RABEP2: variants seen among roughly 807,000 people sequenced by gnomAD.
RABEP2 encodes the protein rab GTPase-binding effector protein 2.
In RABEP2, 57 loss-of-function variants were observed where a neutral mutation model predicts 74.1. That is an observed-to-expected ratio of 0.77 (90% CI 0.62 to 0.96). The LOEUF (loss-of-function observed/expected upper bound fraction) is 0.96, where lower values mean the gene tolerates loss of function less well. Ranked by LOEUF, RABEP2 falls within the 40% of genes least tolerant of loss-of-function variation. RABEP2 has a pLI of 0.00. For synonymous variants in RABEP2, 351 were observed against 344.0 expected (o/e 1.02, Z -0.23); for missense variants, 692 against 756.3 (o/e 0.91, Z 1.00).
intron 2 of RABEP2, 77 bp downstream of exon 2, chr16:28,924,326 G>C (rs1964505646): frequency 6.4e-5 from 90 of 1,408,326 alleles, no homozygotes; most frequent in Non-Finnish European, 8.7e-5. Flanking sequence ...TAGCTTATCT[G>C]TGCCCCCAAT....
Position 28,906,181 on chromosome 16 carries a change from G to A in RABEP2, c.1261C>T (p.Leu421=). 6.3e-7 allele frequency: 1 copy of A among 1,588,284 alleles called. No homozygotes were observed. Among genetic ancestry groups the A allele is most frequent in the Non-Finnish European group, 8.5e-7 (1 of 1,173,716 alleles). The change falls in exon 9 of 13, where the codon CTG becomes TTG. Residue 421 remains leucine (L), a synonymous_variant. Transcript: ENST00000358201. The part of the protein sequence containing the change: ...PSSVPELQQL[L]CCTRQEARAR... ...CTCGCCTCTTGCCGCGTGCAGCACAGCAGCTGCTGCAGCTCCTGGAAGGGA... is the reference window on the plus strand; with the variant it reads ...CTCGCCTCTTGCCGCGTGCAGCACAACAGCTGCTGCAGCTCCTGGAAGGGA...
intron 5 of RABEP2, among the ~76,000 whole-genome samples, chr16:28,913,396 T>C (rs1325401575): frequency 2.6e-5 from 4 of 152,232 alleles, no homozygotes; most frequent in African/African-American, 4.8e-5. Flanking sequence ...TGTGCATTTT[T>C]TTTTAAAGCA....
chr16:28,915,589 G>A (rs1385385282), intron 3 of RABEP2, among the ~76,000 whole-genome samples: 6 of 151,970 alleles, frequency 3.9e-5, no homozygotes, highest in East Asian at 1.9e-4. Flanking sequence ...CTGTTGCCCC[G>A]ACTAGAGTGG....
At position 28,905,893 on chromosome 16, in the gene RABEP2, G is replaced by C. The variant is rs543622997; in HGVS notation, c.1424-15C>G. The C allele has an allele frequency of 6.2e-7, 1 of 1,613,666 alleles. No homozygotes were observed. The highest frequency in any genetic ancestry group is 1.3e-5 in the African/African-American group (1 of 75,074). On this transcript the variant is annotated splice_polypyrimidine_tract_variant and intron_variant, in intron 9 of 12. Transcript: ENST00000358201. ...CTCCAGCACCTCTGTGGGAAGGAAAGAAAGAGAGGTCAAGGCCAGCCTCTC... is the reference window on the plus strand; with the variant it reads ...CTCCAGCACCTCTGTGGGAAGGAAACAAAGAGAGGTCAAGGCCAGCCTCTC...
Position 28,924,697 on chromosome 16 carries a change from C to T in RABEP2, c.62-82G>A, listed in dbSNP as rs1330320531. The T allele has an allele frequency of 3.9e-6, 5 of 1,282,608 alleles. No homozygotes were observed. In the African/African-American group the frequency reaches 5.8e-5, roughly 15 times the overall value. 79.5% of individuals were successfully genotyped at this position (1,282,608 alleles called of 1,614,324 possible). On this transcript the variant is annotated intron_variant, in intron 1 of 12. Coordinates refer to ENST00000358201, the MANE Select transcript of RABEP2 (RefSeq NM_024816.3). ...GCTTAGCAAGTCCTGCAACCTAGTA[C>T]TGTTGCCTTCATCTGGGGCCTCCTT...
chr16:28,915,743 C>T (rs1964383860), intron 3 of RABEP2, among the ~76,000 whole-genome samples: 1 of 151,484 alleles, frequency 6.6e-6, no homozygotes, highest in African/African-American at 2.4e-5. Flanking sequence ...CAGGGTTTCA[C>T]TATTTTGGCC....
intron 1 of RABEP2, 182 bp downstream of exon 1, chr16:28,924,921 A>T: frequency 1.2e-6 from 1 of 832,006 alleles, no homozygotes; most frequent in Non-Finnish European, 2.0e-6. Flanking sequence ...CACTGGCCCT[A>T]CCCCTTCAAT....
At chr16:28,914,178 G>A in intron 5 of RABEP2, 58 bp downstream of exon 5, 1 of 1,405,526 alleles carries the variant, frequency 7.1e-7, no homozygotes, top group Non-Finnish European at 9.6e-7. Context: ...GTGGTGCGGG[G>A]GAAGCATCCA....
intron 3 of RABEP2, chr16:28,917,726 T>G (rs1385413093): frequency 1.3e-5 from 2 of 152,350 alleles, no homozygotes. Flanking sequence ...CCAGCCCTGA[T>G]GCTCCCTTCA....
At chr16:28,914,142 G>T in intron 5 of RABEP2, 94 bp downstream of exon 5, 1 of 1,056,796 alleles carries the variant, frequency 9.5e-7, no homozygotes, top group South Asian at 1.7e-5. Flanking sequence ...TGGAAGCTCC[G>T]GCTCTAGTTC....
chr16:28,913,936 CTTT>C (rs78683101), intron 5 of RABEP2, among the ~76,000 whole-genome samples: 3 of 136,648 alleles, frequency 2.2e-5, no homozygotes, highest in Non-Finnish European at 1.6e-5. Flanking sequence ...GTATACTTGG[CTTT>C]TTTTTTTTTT....
At position 28,923,782 on chromosome 16, in the gene RABEP2, C is replaced by G. The variant is rs150741787; in HGVS notation, c.274+621G>C. Among the ~76,000 whole-genome samples the G allele has an allele frequency of 3.0e-3, 461 of 152,252 alleles. 6 individuals are homozygous for G. Among genetic ancestry groups the G allele is most frequent in the African/African-American group, 0.011 (443 of 41,542 alleles). On this transcript the variant is annotated intron_variant, in intron 2 of 12. Coordinates refer to ENST00000358201, the MANE Select transcript of RABEP2 (RefSeq NM_024816.3). The stretch of plus-strand genomic sequence containing the variant: ...CTGTGAGAAGGTTGGGACAAAAGTC[C>G]AGGAGAGAGTTGACGAGAGCCCCAC...
In RABEP2 at chr16:28,908,711, A is replaced by T. The variant is rs780541074; in HGVS notation, c.1143T>A (p.Asn381Lys). 5.0e-6 allele frequency: 8 copies of T among 1,614,196 alleles called. No homozygotes were observed. The South Asian group carries it at 8.8e-5, about 18-fold the overall frequency. The part of the protein sequence containing the change: ...KCLHHEVKRL[N>K]EENQGLRAEQ... ...CGGCCCGGAGCCCTTGGTTTTCCTCATTCAACCGCTTTACCTCATGGTGCA... is the reference window on the plus strand; with the variant it reads ...CGGCCCGGAGCCCTTGGTTTTCCTCTTTCAACCGCTTTACCTCATGGTGCA... Residue 381 changes from asparagine (N) to lysine (K), a missense_variant, in exon 8 of 13, where the codon AAT becomes AAA. Physicochemically the swap from Asn to Lys is moderately conservative, Grantham distance 94. Transcript: ENST00000358201.
At position 28,911,104 on chromosome 16, in the gene RABEP2, T is replaced by C. The variant is rs1372979101; in HGVS notation, c.970A>G (p.Asn324Asp). ...CCCACCTGCTTGGCACAGTCCTCAT[T>C]GCTCCGTCTCAGGCCCTCTTGGAGC... ...DELQEGLRRS[N>D]EDCAKQMQVL... Residue 324 changes from asparagine to aspartate, a missense_variant, in exon 6 of 13, where the codon AAT becomes GAT. Physicochemically the swap from Asn to Asp is conservative, Grantham distance 23. Transcript: ENST00000358201. The C allele has an allele frequency of 6.2e-7, 1 of 1,613,302 alleles. No homozygotes were observed. The highest frequency in any genetic ancestry group is 8.5e-7 in the Non-Finnish European group (1 of 1,179,994).
In RABEP2 at chr16:28,914,657, T is replaced by G. The variant is rs3924376; in HGVS notation, c.543+15A>C. 6.2e-7 allele frequency: 1 copy of G among 1,613,506 alleles called. No individual in the cohort carries two copies. Among genetic ancestry groups the G allele is most frequent in the South Asian group, 1.1e-5 (1 of 91,048 alleles). On this transcript the variant is annotated intron_variant, in intron 4 of 12. Coordinates refer to ENST00000358201, the MANE Select transcript of RABEP2 (RefSeq NM_024816.3). ...GCACCCCTCCTTCCCCAGCGCCCCC[T>G]GGCCGTGCCCTCACCTGGATCTCCT...
Position 28,914,579 on chromosome 16 carries a change from G to A in RABEP2, c.551C>T (p.Pro184Leu), listed in dbSNP as rs1964361563. ...EELIQEIQRR[P>L]RHAPSLHGST... ...GCCGTGCAGGGAAGGGGCATGCCGG[G>A]GACGTCTCTAGGGAAGGGGGCAGGG... Residue 184 changes from proline to leucine, a missense_variant, in exon 5 of 13, where the codon CCC becomes CTC. Transcript: ENST00000358201. 1.9e-6 allele frequency: 3 copies of A among 1,609,048 alleles called. No individual in the cohort carries two copies. The highest frequency in any genetic ancestry group is 2.5e-6 in the Non-Finnish European group (3 of 1,177,224).
At chr16:28,919,629 A>T in intron 3 of RABEP2, 157 bp downstream of exon 3, 1 of 795,444 alleles carries the variant, frequency 1.3e-6, no homozygotes, top group Non-Finnish European at 1.9e-6. Context: ...GACCCTACGG[A>T]GCACAGAGCC....
chr16:28,907,832 A>C (rs1258649127), intron 8 of RABEP2, among the ~76,000 whole-genome samples: 1 of 150,706 alleles, frequency 6.6e-6, no homozygotes, highest in African/African-American at 2.4e-5. Context: ...ACAGAGTTTC[A>C]CTCGTTACCC....
chr16:28,918,061 GTTTTTTTTT>G (rs398029150), intron 3 of RABEP2: 1 of 93,220 alleles, frequency 1.1e-5, no homozygotes, highest in Non-Finnish European at 2.1e-5. Flanking sequence ...TCCTATAATT[GTTTTTTTTT>G]TTTTTTTTTT....
Sources: allele counts gnomAD v4.1 joint callset (sites outside exome capture counted in the v4.1 genomes callset), GRCh38; gene constraint gnomAD v4.1.1; transcripts MANE v1.5; gene names NCBI Gene and HGNC (gene_info 2026-07-23, HGNC 2026-07-21).